TANC2: variants seen among roughly 807,000 people sequenced by gnomAD.
The protein encoded by TANC2 is tetratricopeptide repeat, ankyrin repeat and coiled-coil containing 2.
A neutral mutation model predicts 210.5 loss-of-function variants in TANC2; 26 were observed. The ratio of observed to expected loss-of-function variants is 0.12; its 90% CI spans 0.09 to 0.17. The LOEUF is 0.17. TANC2 is among the 10% of genes least tolerant of loss of function. TANC2 has a pLI of 1.00. For missense variants in TANC2, 2,129 were observed against 2,608.9 expected, an observed-to-expected ratio of 0.82 and a Z score of 4.01; for synonymous variants, 931 against 967.1, an observed-to-expected ratio of 0.96 and a Z score of 0.69.
chr17:63,103,388 T>G (rs1242436859), intron 4 of TANC2, among the ~76,000 whole-genome samples: 1 of 152,192 alleles, frequency 6.6e-6, no homozygotes, highest in East Asian at 1.9e-4. Context: ...AGATATAGTT[T>G]AGAGCTTGAA....
At chr17:63,233,890 C>A (rs909797065) in intron 7 of TANC2, among the ~76,000 whole-genome samples, 1 of 152,194 alleles carries the variant, frequency 6.6e-6, no homozygotes, top group African/African-American at 2.4e-5. Context: ...TATTCTCTAG[C>A]CCTCAAGTCT....
intron 9 of TANC2, among the ~76,000 whole-genome samples, chr17:63,314,015 G>A (rs1419387071): frequency 1.3e-5 from 2 of 152,162 alleles, no homozygotes; most frequent in Non-Finnish European, 2.9e-5. Flanking sequence ...CAATTAAAAG[G>A]TTATCCCGTG....
intron 3 of TANC2, among the ~76,000 whole-genome samples, chr17:63,083,615 A>C (rs1336791039): frequency 6.6e-6 from 1 of 152,178 alleles, no homozygotes; most frequent in Non-Finnish European, 1.5e-5. Context: ...AAAACATAGT[A>C]AACTCAGTAC....
intron 1 of TANC2, among the ~76,000 whole-genome samples, chr17:62,994,151 A>G (rs182294869): frequency 1.6e-4 from 25 of 152,090 alleles, no homozygotes; most frequent in African/African-American, 4.3e-4. Context: ...CTTCAAGTAC[A>G]ATGGTGTATA....
intron 1 of TANC2, among the ~76,000 whole-genome samples, chr17:62,976,862 C>G (rs1428255147): frequency 6.6e-6 from 1 of 152,208 alleles, no homozygotes; most frequent in Non-Finnish European, 1.5e-5. Context: ...TAGCATTCCA[C>G]AAGTTACTTC....
At chr17:63,276,237 T>C (rs1281641327) in intron 9 of TANC2, among the ~76,000 whole-genome samples, 3 of 152,096 alleles carry the variant, frequency 2.0e-5, no homozygotes, top group African/African-American at 2.4e-5. Flanking sequence ...CTTTAAAATG[T>C]TTTATCTTAA....
At chr17:62,999,110 T>C (rs1320873527) in intron 1 of TANC2, among the ~76,000 whole-genome samples, 1 of 152,180 alleles carries the variant, frequency 6.6e-6, no homozygotes, top group Non-Finnish European at 1.5e-5. Context: ...ATTTGGGTCA[T>C]GGGAGCAGAT....
At chr17:62,990,543 C>A (rs2032807528) in intron 1 of TANC2, among the ~76,000 whole-genome samples, 1 of 152,252 alleles carries the variant, frequency 6.6e-6, no homozygotes, top group East Asian at 1.9e-4. Context: ...CTTGGACCCC[C>A]AAAGTGCTGG....
At chr17:63,105,284 A>G (rs1181008308) in intron 4 of TANC2, among the ~76,000 whole-genome samples, 1 of 151,724 alleles carries the variant, frequency 6.6e-6, no homozygotes, top group African/African-American at 2.4e-5. Context: ...GATGGTAAAT[A>G]AGTCACAATA....
chr17:63,246,590 CTTCT>C (rs1411314218), intron 8 of TANC2, among the ~76,000 whole-genome samples: 1 of 152,098 alleles, frequency 6.6e-6, no homozygotes, highest in African/African-American at 2.4e-5. Flanking sequence ...TTGTATCTGG[CTTCT>C]TTCACTCAGC....
At chr17:63,198,412 C>T (rs970639062) in intron 6 of TANC2, among the ~76,000 whole-genome samples, 2 of 152,132 alleles carry the variant, frequency 1.3e-5, no homozygotes, top group African/African-American at 4.8e-5. Context: ...CCAGGCTGGT[C>T]TCAAACTCCT....
chr17:63,068,595 T>A (rs1312206267), intron 2 of TANC2, among the ~76,000 whole-genome samples: 2 of 152,146 alleles, frequency 1.3e-5, no homozygotes, highest in African/African-American at 4.8e-5. Context: ...GATATATTCA[T>A]ACAGTGGAAT....
chr17:63,251,435 A>G (rs377720997), intron 8 of TANC2, among the ~76,000 whole-genome samples: 2 of 152,312 alleles, frequency 1.3e-5, no homozygotes, highest in African/African-American at 4.8e-5. Context: ...AAAGGGAAAC[A>G]CCTAACAGAA....
intron 6 of TANC2, among the ~76,000 whole-genome samples, chr17:63,195,035 TCA>T (rs954436513): frequency 2.3e-4 from 35 of 152,286 alleles, no homozygotes; most frequent in African/African-American, 8.2e-4. Context: ...AGAGTCTATA[TCA>T]CATACTACTT....
intron 5 of TANC2, among the ~76,000 whole-genome samples, chr17:63,164,630 C>A (rs2040146429): frequency 6.6e-6 from 1 of 152,164 alleles, no homozygotes; most frequent in East Asian, 1.9e-4. Flanking sequence ...ACCTGGAAGC[C>A]CAGGAAAGCT....
At chr17:62,999,148 G>T (rs2033253984) in intron 1 of TANC2, among the ~76,000 whole-genome samples, 1 of 152,180 alleles carries the variant, frequency 6.6e-6, no homozygotes, top group Non-Finnish European at 1.5e-5. Flanking sequence ...TACCTTTACA[G>T]TAGTGAGTCA....
At chr17:63,102,213 C>T (rs1162659133) in intron 4 of TANC2, among the ~76,000 whole-genome samples, 1 of 151,964 alleles carries the variant, frequency 6.6e-6, no homozygotes, top group East Asian at 1.9e-4. Context: ...AAGGAGGCTA[C>T]GGTGGGAGTG....
chr17:63,185,200 C>T (rs556194379), intron 5 of TANC2, among the ~76,000 whole-genome samples: 30 of 152,170 alleles, frequency 2.0e-4, no homozygotes, highest in Middle Eastern at 3.4e-3. Context: ...AGGGTTTTGC[C>T]GTGTCACCCA....
chr17:63,101,093 A>C (rs1279327301), intron 4 of TANC2, among the ~76,000 whole-genome samples: 1 of 152,216 alleles, frequency 6.6e-6, no homozygotes, highest in African/African-American at 2.4e-5. Context: ...AGTGAAGCAG[A>C]TGATAAGAAT....
Sources: gnomAD v4.1 joint callset for allele counts (sites outside exome capture counted in the v4.1 genomes callset) on GRCh38, gnomAD v4.1.1 for gene constraint, MANE v1.5 for transcripts, NCBI Gene and HGNC (gene_info 2026-07-23, HGNC 2026-07-21) for gene names.